NUCB2: variants seen among roughly 807,000 people sequenced by gnomAD.
The protein encoded by NUCB2 is nucleobindin 2, also known as nucleobindin-2.
In NUCB2, 48 loss-of-function variants were observed where a neutral mutation model predicts 57.9. That is an observed-to-expected ratio of 0.83 (90% CI 0.66 to 1.05). The LOEUF (loss-of-function observed/expected upper bound fraction) is 1.05, where lower values mean the gene tolerates loss of function less well. Ranked by LOEUF, NUCB2 falls within the 50% of genes least tolerant of loss-of-function variation. The pLI is 0.00. For synonymous variants in NUCB2, 139 were observed against 152.1 expected, an observed-to-expected ratio of 0.91 and a Z score of 0.64; for missense variants, 442 against 476.2, an observed-to-expected ratio of 0.93 and a Z score of 0.67.
downstream of NUCB2, chr11:17,334,567 C>G (rs1244241808): frequency 6.6e-6 from 1 of 152,244 alleles, no homozygotes; most frequent in Non-Finnish European, 1.5e-5. Context: ...ACTTTCCTAC[C>G]TCTGTGTGAC....
At chr11:17,321,733 C>CT (rs1224577436) in intron 11 of NUCB2, among the ~76,000 whole-genome samples, 7 of 150,824 alleles carry the variant, frequency 4.6e-5, no homozygotes, top group Non-Finnish European at 1.0e-4. Flanking sequence ...TACGAGGGTT[C>CT]TTTTTTTTTC....
At chr11:17,290,100 A>G (rs779399300) in intron 2 of NUCB2, among the ~76,000 whole-genome samples, 8 of 152,202 alleles carry the variant, frequency 5.3e-5, no homozygotes, top group Admixed American at 1.3e-4. Context: ...ACTTGCAGGT[A>G]TCTTCCTGTC....
At chr11:17,293,313 A>G (rs1421129652) in intron 2 of NUCB2, among the ~76,000 whole-genome samples, 1 of 151,832 alleles carries the variant, frequency 6.6e-6, no homozygotes, top group Non-Finnish European at 1.5e-5. Flanking sequence ...ACACACACTC[A>G]TGTATACAAA....
At chr11:17,302,630 G>A (rs1946929347) in intron 5 of NUCB2, among the ~76,000 whole-genome samples, 1 of 152,084 alleles carries the variant, frequency 6.6e-6, no homozygotes, top group Non-Finnish European at 1.5e-5. Context: ...GAGTGCAGTG[G>A]CATGGTCATA....
rs556078291 is a variant in NUCB2, at chr11:17,315,480, T to C, written c.1002+5T>C. On this transcript the variant is annotated splice_donor_5th_base_variant and intron_variant, in intron 11 of 13. Coordinates refer to ENST00000529010, the MANE Select transcript of NUCB2 (RefSeq NM_005013.4). ...TTGGAGCCAGATAGCTGGGAGGTAA[T>C]AGAACCTACTCTAAATGAGATGTAT... 9 of 1,565,526 alleles carry C rather than the reference T, an allele frequency of 5.7e-6. No homozygotes were observed. The Admixed American group carries it at 1.2e-4, about 20-fold the overall frequency.
intron 2 of NUCB2, among the ~76,000 whole-genome samples, chr11:17,285,552 G>A (rs1591209949): frequency 1.3e-5 from 2 of 149,396 alleles, no homozygotes. Flanking sequence ...ACTCCAGCCT[G>A]TGCAACAGAG....
chr11:17,293,986 C>T (rs145686011), intron 2 of NUCB2, among the ~76,000 whole-genome samples: 124 of 152,188 alleles, frequency 8.1e-4, no homozygotes, highest in Middle Eastern at 3.4e-3. Flanking sequence ...GTTGCACAGC[C>T]TTGTGAATAT....
At chr11:17,336,735 C>A (rs1201566402), downstream of NUCB2, among the ~76,000 whole-genome samples, 1 of 106,038 alleles carries the variant, frequency 9.4e-6, no homozygotes, top group African/African-American at 3.7e-5. Context: ...GCCTGGGCGA[C>A]AGAGCGAGAC....
rs1056691849 is a variant in NUCB2, at chr11:17,326,322, T to G, written c.1003-3805T>G. Among the ~76,000 whole-genome samples, 6 of 144,624 alleles carry G rather than the reference T, an allele frequency of 4.1e-5. No individual in the cohort carries two copies. In the East Asian group the frequency reaches 8.1e-4, roughly 19 times the overall value. The allele number at this position is 144,624 out of a possible 152,430, so 94.9% of individuals were successfully genotyped here. A position where few individuals can be genotyped will look rare whatever the true frequency, so the allele number is the denominator to read the frequency against. ...GCCTCATTGTTACCGTTTTTTTTTT[T>G]TTTTTTTTTTTTGAGATGGAGTTTT... On this transcript the variant is annotated intron_variant, in intron 11 of 13. Transcript: ENST00000529010.
chr11:17,340,731 C>T (rs1467108600), intron 2 of NUCB2, among the ~76,000 whole-genome samples: 2 of 152,248 alleles, frequency 1.3e-5, no homozygotes, highest in East Asian at 1.9e-4. Context: ...GTACCAGTAC[C>T]GTGCTGTTTT....
Position 17,309,632 on chromosome 11 carries a change from C to T in NUCB2, c.440C>T (p.Pro147Leu), listed in dbSNP as rs373387431. 1.9e-6 allele frequency: 3 copies of T among 1,607,060 alleles called. No individual in the cohort carries two copies. In the Admixed American group the frequency reaches 5.1e-5, roughly 27 times the overall value. Residue 147 changes from proline to leucine, a missense_variant, in exon 6 of 14, where the codon CCT (proline) becomes CTT (leucine). Transcript: ENST00000529010. ...KQFDHLNHLNPDKFESTDLDM... is the reference protein window; with the variant it reads ...KQFDHLNHLNLDKFESTDLDM... ...TTTGATCACCTAAACCACCTGAATC[C>T]TGACAAGTTTGAATCCACAGATTTA...
At chr11:17,304,823 A>G (rs1166406413) in intron 5 of NUCB2, among the ~76,000 whole-genome samples, 1 of 152,222 alleles carries the variant, frequency 6.6e-6, no homozygotes, top group Non-Finnish European at 1.5e-5. Context: ...AAACTGACAG[A>G]CAAAAACTTT....
chr11:17,321,157 A>G (rs1056212489), intron 11 of NUCB2, among the ~76,000 whole-genome samples: 7 of 151,810 alleles, frequency 4.6e-5, no homozygotes, highest in Non-Finnish European at 8.8e-5. Context: ...ATTATTGACT[A>G]TAGTCCCCCT....
At position 17,288,882 on chromosome 11, in the gene NUCB2, T is replaced by TACACACACACACAC. The variant is rs1167995024; in HGVS notation, c.-1+5995_-1+6008dup. Among the ~76,000 whole-genome samples the TACACACACACACAC allele has an allele frequency of 3.9e-3, 172 of 44,622 alleles. 5 individuals are homozygous for TACACACACACACAC. Among genetic ancestry groups the TACACACACACACAC allele is most frequent in the Middle Eastern group, 0.018 (1 of 56 alleles). The allele number at this position is 44,622 out of a possible 152,430, so 29.3% of individuals were successfully genotyped here. ...TAAAGTCTATTTAATAACATGTATATACACACACACACACACACACACACA... is the reference window on the plus strand; with the variant it reads ...TAAAGTCTATTTAATAACATGTATATACACACACACACACACACACACACACACACACACACACA... On this transcript the variant is annotated intron_variant, in intron 2 of 13. Coordinates refer to ENST00000529010, the MANE Select transcript of NUCB2 (RefSeq NM_005013.4).
chr11:17,298,106 G>A (rs1281840858), intron 4 of NUCB2, among the ~76,000 whole-genome samples: 1 of 151,434 alleles, frequency 6.6e-6, no homozygotes, highest in African/African-American at 2.4e-5. Flanking sequence ...AAAAAAAGGG[G>A]GGCCGGGGCA....
At chr11:17,307,096 G>A (rs533892768) in intron 5 of NUCB2, among the ~76,000 whole-genome samples, 1 of 152,192 alleles carries the variant, frequency 6.6e-6, no homozygotes, top group South Asian at 2.1e-4. Flanking sequence ...TTGAAATGGA[G>A]TCTGGCTGTG....
At position 17,312,067 on chromosome 11, in the gene NUCB2, A is replaced by G; in HGVS notation, c.859A>G (p.Met287Val). 3.1e-6 allele frequency: 5 copies of G among 1,591,204 alleles called. No homozygotes were observed. Among genetic ancestry groups the G allele is most frequent in the Non-Finnish European group, 8.6e-7 (1 of 1,168,586 alleles). Reference sequence around the variant, plus strand: ...TGACCCTAAAAATGAAGAGGATGATATGGTAGAAATGGAAGAAGAAAGGCT... The same window carrying G: ...TGACCCTAAAAATGAAGAGGATGATGTGGTAGAAATGGAAGAAGAAAGGCT... Reference protein sequence around the residue: ...VYDPKNEEDDMVEMEEERLRM... With the variant: ...VYDPKNEEDDVVEMEEERLRM... The change falls in exon 10 of 14, where the codon ATG (methionine) becomes GTG (valine). Residue 287 changes from methionine (M) to valine (V), a missense_variant. Transcript: ENST00000529010.
At chr11:17,291,972 A>G (rs1458147366) in intron 2 of NUCB2, among the ~76,000 whole-genome samples, 2 of 152,170 alleles carry the variant, frequency 1.3e-5, no homozygotes, top group African/African-American at 2.4e-5. Context: ...TTTACAAGTC[A>G]TATAACTTAA....
At chr11:17,337,132 G>A (rs1951885268), downstream of NUCB2, among the ~76,000 whole-genome samples, 1 of 151,910 alleles carries the variant, frequency 6.6e-6, no homozygotes, top group African/African-American at 2.4e-5. Flanking sequence ...GTAGAGATGG[G>A]GTCTTGCTAT....
Sources: gnomAD v4.1 joint callset for allele counts (sites outside exome capture counted in the v4.1 genomes callset) on GRCh38, gnomAD v4.1.1 for gene constraint, MANE v1.5 for transcripts, NCBI Gene and HGNC (gene_info 2026-07-23, HGNC 2026-07-21) for gene names.